The following NELL2 variants were observed in gnomAD, a reference collection of about 807,000 sequenced individuals.
NELL2 encodes protein kinase C-binding protein NELL2.
In NELL2, 41 loss-of-function variants were observed where a neutral mutation model predicts 109.6. The observed-to-expected ratio is 0.37, with a 90% CI of 0.29 to 0.49. The LOEUF (loss-of-function observed/expected upper bound fraction) is 0.49, where lower values mean the gene tolerates loss of function less well. Among genes scored for constraint, NELL2 ranks in the 20% least tolerant of loss-of-function variants. NELL2 has a pLI of 0.98. For synonymous variants in NELL2, 355 were observed against 344.7 expected (o/e 1.03, Z -0.33); for missense variants, 900 against 1,008.3 (o/e 0.89, Z 1.45).
rs570414673 is a variant in NELL2 at position 44,644,118 on chromosome 12, G to A, written c.1444+21366C>T. 4.6e-5 allele frequency among the ~76,000 whole-genome samples: 7 copies of A among 152,204 alleles called. No individual in the cohort carries two copies. The South Asian group carries it at 1.5e-3, about 32-fold the overall frequency. ...CTATTGATAGACTATGAACACAGAG[G>A]CCAGTGCAAGATTAACAACCTCATT... is the stretch of plus-strand genomic sequence containing the variant. On this transcript the variant is annotated intron_variant, in intron 13 of 19. Transcript: ENST00000429094.
upstream of NELL2, chr12:44,876,429 A>G (rs964646574): frequency 3.1e-6 from 4 of 1,280,856 alleles, no homozygotes; most frequent in Middle Eastern, 3.0e-4. Context: ...GCCGGCGCTC[A>G]GCGTCGGTCT....
chr12:44,698,079 GTGTC>G, intron 12 of NELL2, among the ~76,000 whole-genome samples: 1 of 152,240 alleles, frequency 6.6e-6, no homozygotes, highest in East Asian at 1.9e-4. Context: ...ATTTCCCTAT[GTGTC>G]TGTATCCAAA....
intron 12 of NELL2, among the ~76,000 whole-genome samples, chr12:44,670,098 GA>G (rs887580255): frequency 1.3e-5 from 2 of 152,042 alleles, no homozygotes; most frequent in Admixed American, 1.3e-4. Flanking sequence ...TGCTGAAAGA[GA>G]AAAACAACAA....
At chr12:44,753,694 T>C (rs1940756195) in intron 9 of NELL2, among the ~76,000 whole-genome samples, 2 of 152,196 alleles carry the variant, frequency 1.3e-5, no homozygotes, top group Admixed American at 1.3e-4. Context: ...TATATATATA[T>C]AATCTGTATA....
chr12:44,756,785 T>C (rs73277271), intron 9 of NELL2, among the ~76,000 whole-genome samples: 5,315 of 152,238 alleles, frequency 0.035, 310 homozygotes, highest in African/African-American at 0.12. Flanking sequence ...TTCTTATAGA[T>C]TTTAAATGTA....
chr12:44,724,485 G>A (rs1253233811), intron 9 of NELL2, among the ~76,000 whole-genome samples: 1 of 151,942 alleles, frequency 6.6e-6, no homozygotes, highest in Non-Finnish European at 1.5e-5. Context: ...AGCCAAATCA[G>A]AATGGCAATC....
intron 16 of NELL2, among the ~76,000 whole-genome samples, chr12:44,524,455 T>A (rs2138990911): frequency 6.6e-6 from 1 of 152,244 alleles, no homozygotes; most frequent in South Asian, 2.1e-4. Context: ...ATGGCAGAAG[T>A]GGGTTAGAGA....
At chr12:44,870,331 T>C (rs1449317532) in intron 2 of NELL2, among the ~76,000 whole-genome samples, 1 of 152,204 alleles carries the variant, frequency 6.6e-6, no homozygotes, top group Non-Finnish European at 1.5e-5. Flanking sequence ...ATCATGCTCC[T>C]AAAAATTCAT....
intron 3 of NELL2, among the ~76,000 whole-genome samples, chr12:44,808,932 G>A (rs1943089236): frequency 6.6e-6 from 1 of 151,962 alleles, no homozygotes; most frequent in South Asian, 2.1e-4. Context: ...CTACAGGACA[G>A]TTTAATATTT....
At chr12:44,710,913 T>C (rs1938161760) in intron 11 of NELL2, among the ~76,000 whole-genome samples, 1 of 151,896 alleles carries the variant, frequency 6.6e-6, no homozygotes, top group Non-Finnish European at 1.5e-5. Context: ...TGAGGAGAAA[T>C]GAAAAACAAA....
rs544924904 is a variant in NELL2 at position 44,818,767 on chromosome 12, G to A, written c.185-2631C>T. ...TTTTTTTTTTTTGAGACGGAGTCTC[G>A]CTCTGTCGCCCAGGCCGGACTGCGG... On this transcript the variant is annotated intron_variant, in intron 2 of 19. Transcript: ENST00000429094. 4.1e-4 allele frequency among the ~76,000 whole-genome samples: 45 copies of A among 109,946 alleles called. 1 individual carries two copies. In the South Asian group the frequency reaches 0.013, roughly 31 times the overall value. 72.1% of individuals were successfully genotyped at this position (109,946 alleles called of 152,430 possible).
chr12:44,709,122 G>A (rs1198438903), intron 11 of NELL2, among the ~76,000 whole-genome samples: 2 of 152,008 alleles, frequency 1.3e-5, no homozygotes, highest in African/African-American at 4.8e-5. Context: ...ATAGCCCTTG[G>A]ACACCTGCAG....
At chr12:44,683,394 G>A (rs1437049145) in intron 12 of NELL2, among the ~76,000 whole-genome samples, 1 of 144,042 alleles carries the variant, frequency 6.9e-6, no homozygotes, top group Non-Finnish European at 1.5e-5. Context: ...CTCTTTTCCT[G>A]ATTGAATACC....
At chr12:44,722,303 C>T (rs1938820442) in intron 9 of NELL2, among the ~76,000 whole-genome samples, 1 of 152,018 alleles carries the variant, frequency 6.6e-6, no homozygotes, top group African/African-American at 2.4e-5. Context: ...GTAGTTGGGA[C>T]TACAGGCATG....
chr12:44,912,968 C>G (rs1259185702), intron 1 of NELL2, among the ~76,000 whole-genome samples: 1 of 152,116 alleles, frequency 6.6e-6, no homozygotes, highest in Admixed American at 6.6e-5. Context: ...TTGTGACAGT[C>G]CCTAACTCAG....
At chr12:44,815,766 GCGCCA>G (rs1943324335) in intron 3 of NELL2, 1 of 392,276 alleles carries the variant, frequency 2.5e-6, no homozygotes, top group South Asian at 3.5e-5. Flanking sequence ...CTACAGGCGC[GCGCCA>G]CCAAGCCCAG....
At chr12:44,794,348 A>G (rs1425754148) in intron 3 of NELL2, among the ~76,000 whole-genome samples, 1 of 152,160 alleles carries the variant, frequency 6.6e-6, no homozygotes, top group Non-Finnish European at 1.5e-5. Context: ...TTCAAAAAGG[A>G]AAGGGCTCAT....
At chr12:44,654,991 T>A (rs1947446767) in intron 13 of NELL2, among the ~76,000 whole-genome samples, 2 of 152,152 alleles carry the variant, frequency 1.3e-5, no homozygotes, top group South Asian at 4.1e-4. Context: ...AATTCAGCAA[T>A]CCTCTCCTCT....
chr12:44,745,070 C>A (rs1195942950), intron 9 of NELL2, among the ~76,000 whole-genome samples: 1 of 152,194 alleles, frequency 6.6e-6, no homozygotes, highest in Non-Finnish European at 1.5e-5. Context: ...TACTGGCAAA[C>A]CGAATCCAGC....
Sources: allele counts gnomAD v4.1 joint callset (sites outside exome capture counted in the v4.1 genomes callset), GRCh38; gene constraint gnomAD v4.1.1; transcripts MANE v1.5; gene names NCBI Gene and HGNC (gene_info 2026-07-23, HGNC 2026-07-21).